KCNH1: variants seen among roughly 807,000 people sequenced by gnomAD.
The protein encoded by KCNH1 is voltage-gated delayed rectifier potassium channel KCNH1.
Under a neutral mutation model 69.2 loss-of-function variants are expected in KCNH1, and 27 were observed. That is an observed-to-expected ratio of 0.39 (90% CI 0.29 to 0.54). The LOEUF is 0.54. Among genes scored for constraint, KCNH1 ranks in the 20% least tolerant of loss-of-function variants. The pLI, the probability that KCNH1 is intolerant of heterozygous loss-of-function variation, is 0.68. For synonymous variants in KCNH1, 456 were observed against 487.7 expected, an observed-to-expected ratio of 0.93 and a Z score of 0.86; for missense variants, 798 against 1,261.6, an observed-to-expected ratio of 0.63 and a Z score of 5.57.
In KCNH1 at chr1:210,973,864, C is replaced by T. The variant is rs190758330; in HGVS notation, c.1032+44919G>A. Among the ~76,000 whole-genome samples the T allele has an allele frequency of 4.5e-3, 691 of 152,166 alleles. 4 individuals are homozygous for T. Among genetic ancestry groups the T allele is most frequent in the Non-Finnish European group, 8.1e-3 (551 of 67,976 alleles). On this transcript the variant is annotated intron_variant, in intron 6 of 10. Transcript: ENST00000271751. The stretch of plus-strand genomic sequence containing the variant: ...TAAAGATAATGCTGCAACAAATATT[C>T]CAGGCACATGGGATTTTTTTCCTTT...
intron 6 of KCNH1, among the ~76,000 whole-genome samples, chr1:210,965,006 T>TG (rs1688371300): frequency 6.6e-6 from 1 of 152,210 alleles, no homozygotes; most frequent in Admixed American, 6.5e-5. Flanking sequence ...ACCACATGAT[T>TG]ATCTCAATAG....
intron 6 of KCNH1, among the ~76,000 whole-genome samples, chr1:211,011,227 G>A (rs997850925): frequency 6.6e-6 from 1 of 152,126 alleles, no homozygotes; most frequent in Admixed American, 6.5e-5. Flanking sequence ...AACATGCAGT[G>A]TTTGGTTTTC....
At chr1:211,081,518 C>T (rs1377915824) in intron 5 of KCNH1, among the ~76,000 whole-genome samples, 6 of 152,174 alleles carry the variant, frequency 3.9e-5, no homozygotes, top group African/African-American at 7.2e-5. Context: ...CACATGCACA[C>T]GTACATTTAT....
intron 10 of KCNH1, among the ~76,000 whole-genome samples, chr1:210,718,651 T>TACACACAC (rs57407331): frequency 4.0e-5 from 3 of 75,558 alleles, no homozygotes; most frequent in South Asian, 3.9e-4. Flanking sequence ...CATATATATA[T>TACACACAC]ACACACACAC....
chr1:210,710,290 T>G lies in KCNH1; in HGVS notation c.2113-26152A>C, dbSNP rs1021541101. 3.3e-5 allele frequency among the ~76,000 whole-genome samples: 5 copies of G among 151,932 alleles called. No homozygotes were observed. The Admixed American group carries it at 3.3e-4, about 10-fold the overall frequency. On this transcript the variant is annotated intron_variant, in intron 10 of 10. Transcript: ENST00000271751. ...TGGAACTTGCAGGACTGGAAGTTGC[T>G]CTGGGTAAGTCAGTGGTAAGTGAAT...
At chr1:211,122,149 A>G (rs992554391) in intron 1 of KCNH1, among the ~76,000 whole-genome samples, 3 of 152,044 alleles carry the variant, frequency 2.0e-5, no homozygotes, top group African/African-American at 2.4e-5. Context: ...AAAAAAAACC[A>G]TCGAAAAGTG....
At chr1:210,963,895 C>A (rs1223882320) in intron 6 of KCNH1, among the ~76,000 whole-genome samples, 1 of 152,092 alleles carries the variant, frequency 6.6e-6, no homozygotes, top group African/African-American at 2.4e-5. Context: ...AGAACTCCCC[C>A]AATAGAGCAA....
intron 5 of KCNH1, among the ~76,000 whole-genome samples, chr1:211,062,972 A>G (rs1467148686): frequency 1.3e-5 from 2 of 152,222 alleles, no homozygotes; most frequent in African/African-American, 4.8e-5. Context: ...TTCCCAAAAG[A>G]AATAAATCAG....
chr1:211,059,722 G>A (rs187441773), intron 5 of KCNH1, among the ~76,000 whole-genome samples: 414 of 151,232 alleles, frequency 2.7e-3, no homozygotes, highest in Non-Finnish European at 3.8e-3. Flanking sequence ...CAGCCTGGGC[G>A]ACAGAGCGAG....
intron 6 of KCNH1, among the ~76,000 whole-genome samples, chr1:211,005,118 A>T (rs186877544): frequency 6.6e-6 from 1 of 152,156 alleles, no homozygotes; most frequent in African/African-American, 2.4e-5. Context: ...TCTTACAGAC[A>T]TTAAAAGATA....
At chr1:211,035,280 G>A (rs1235981036) in intron 5 of KCNH1, among the ~76,000 whole-genome samples, 1 of 107,424 alleles carries the variant, frequency 9.3e-6, no homozygotes, top group South Asian at 3.3e-4. Flanking sequence ...ACGGAGTCTC[G>A]CTCTGTCGCC....
chr1:210,833,621 C>T (rs1266848082), intron 7 of KCNH1, among the ~76,000 whole-genome samples: 10 of 151,968 alleles, frequency 6.6e-5, no homozygotes, highest in East Asian at 3.9e-4. Context: ...GACATAGGCA[C>T]GGGCAAGGAC....
intron 2 of KCNH1, among the ~76,000 whole-genome samples, chr1:211,106,425 G>C (rs530282752): frequency 8.1e-4 from 124 of 152,216 alleles, no homozygotes; most frequent in Non-Finnish European, 1.6e-3. Context: ...CAGAGAGAGA[G>C]AGAGGTAACA....
intron 1 of KCNH1, among the ~76,000 whole-genome samples, chr1:211,111,225 G>A (rs1251849930): frequency 2.0e-5 from 3 of 152,204 alleles, no homozygotes; most frequent in African/African-American, 4.8e-5. Context: ...TTATCCTTTC[G>A]TAAGCATACC....
intron 4 of KCNH1, among the ~76,000 whole-genome samples, chr1:211,083,333 C>G (rs1690890927): frequency 6.6e-6 from 1 of 152,220 alleles, no homozygotes; most frequent in Non-Finnish European, 1.5e-5. Flanking sequence ...CTTGCAGAAA[C>G]AGTTGGTTCT....
intron 9 of KCNH1, among the ~76,000 whole-genome samples, chr1:210,794,620 C>T (rs1574260178): frequency 6.6e-6 from 1 of 152,176 alleles, no homozygotes; most frequent in Admixed American, 6.5e-5. Context: ...CCCTCTTCAG[C>T]TCCATCATGC....
chr1:210,863,136 G>A (rs1686017319), intron 7 of KCNH1, among the ~76,000 whole-genome samples: 1 of 152,210 alleles, frequency 6.6e-6, no homozygotes, highest in African/African-American at 2.4e-5. Flanking sequence ...CTTCCAAAAA[G>A]AGAAATTTTA....
intron 6 of KCNH1, among the ~76,000 whole-genome samples, chr1:210,938,686 G>A (rs1687824800): frequency 6.6e-6 from 1 of 152,094 alleles, no homozygotes; most frequent in Admixed American, 6.5e-5. Flanking sequence ...CTCAAACACT[G>A]TCACACTGGT....
At chr1:210,974,836 AC>A (rs1688573881) in intron 6 of KCNH1, among the ~76,000 whole-genome samples, 1 of 152,080 alleles carries the variant, frequency 6.6e-6, no homozygotes, top group Admixed American at 6.6e-5. Context: ...TGCTAGGATT[AC>A]AGGTGTGAGC....
Sources: allele counts gnomAD v4.1 joint callset (sites outside exome capture counted in the v4.1 genomes callset), GRCh38; gene constraint gnomAD v4.1.1; transcripts MANE v1.5; gene names NCBI Gene and HGNC (gene_info 2026-07-23, HGNC 2026-07-21).